The following PARP4 variants were observed in gnomAD, a reference collection of about 807,000 sequenced individuals.
PARP4 encodes poly(ADP-ribose) polymerase family member 4.
Under a neutral mutation model 187.7 loss-of-function variants are expected in PARP4, and 120 were observed. That is an observed-to-expected ratio of 0.64 (90% CI 0.55 to 0.74). The LOEUF is 0.74. Among genes scored for constraint, PARP4 ranks in the 30% least tolerant of loss-of-function variants. The pLI, the probability that PARP4 is intolerant of heterozygous loss-of-function variation, is 0.00. For missense variants in PARP4, 1,836 were observed against 2,070.5 expected, an observed-to-expected ratio of 0.89 and a Z score of 2.20; for synonymous variants, 654 against 740.9, an observed-to-expected ratio of 0.88 and a Z score of 1.90.
intron 31 of PARP4, among the ~76,000 whole-genome samples, chr13:24,433,234 T>C (rs1366696807): frequency 6.6e-6 from 1 of 152,198 alleles, no homozygotes; most frequent in Non-Finnish European, 1.5e-5. Flanking sequence ...ATGTACTTAA[T>C]GCAACGTGTC....
At chr13:24,486,042 G>A in intron 11 of PARP4, 126 bp downstream of exon 11, 1 of 740,414 alleles carries the variant, frequency 1.4e-6, no homozygotes. Flanking sequence ...TCTCCAGAAT[G>A]CAGTAAGCTA....
At chr13:24,509,694 T>C (rs1267048436) in intron 1 of PARP4, among the ~76,000 whole-genome samples, 1 of 151,864 alleles carries the variant, frequency 6.6e-6, no homozygotes, top group East Asian at 1.9e-4. Flanking sequence ...ATAACCCCAC[T>C]GTTGATTTTT....
At chr13:24,472,522 C>T (rs1431973318) in intron 15 of PARP4, among the ~76,000 whole-genome samples, 4 of 152,318 alleles carry the variant, frequency 2.6e-5, no homozygotes, top group East Asian at 1.9e-4. Flanking sequence ...TGTACTTGAA[C>T]GTTCTTAATC....
chr13:24,434,264 T>C lies in PARP4; in HGVS notation c.4746+131A>G, dbSNP rs535739897. 465 of 510,384 alleles carry C rather than the reference T, an allele frequency of 9.1e-4. 1 individual carries two copies. In the East Asian group the frequency reaches 0.013, roughly 14 times the overall value. 31.6% of individuals were successfully genotyped at this position (510,384 alleles called of 1,614,324 possible). A position where few individuals can be genotyped will look rare whatever the true frequency, so the allele number is the denominator to read the frequency against. On this transcript the variant is annotated intron_variant, in intron 31 of 33. Transcript: ENST00000381989. Reference sequence around the variant, plus strand: ...TCAATGAAGGAAGCAGTATGATTTATACCCAGTGTACAACCCCTTCCTTCA... The same window carrying C: ...TCAATGAAGGAAGCAGTATGATTTACACCCAGTGTACAACCCCTTCCTTCA...
At position 24,453,636 on chromosome 13, in the gene PARP4, G is replaced by A. The variant is rs141514642; in HGVS notation, c.2777C>T (p.Ser926Leu). 91 of 1,604,214 alleles carry A rather than the reference G, an allele frequency of 5.7e-5. No individual in the cohort carries two copies. In the African/African-American group the frequency reaches 9.8e-4, roughly 17 times the overall value. ...ATTGCTTGTGATATGCTTAGGATAC[G>A]AAAATAGCTCCTTGTAACCTGTGTA... ...QFGTGYKELF[S>L]YPKHITSNTM... Residue 926 changes from serine (S) to leucine (L), a missense_variant, in exon 23 of 34, where the codon TCG becomes TTG. Transcript: ENST00000381989.
intron 15 of PARP4, among the ~76,000 whole-genome samples, chr13:24,475,065 G>T (rs9511300): frequency 0.2 from 30,263 of 152,048 alleles, 3,758 homozygotes; most frequent in East Asian, 0.38. Flanking sequence ...CTTCAGGTCT[G>T]TATGCAGATG....
At chr13:24,488,314 G>T (rs1222354253) in intron 10 of PARP4, among the ~76,000 whole-genome samples, 3 of 152,118 alleles carry the variant, frequency 2.0e-5, no homozygotes, top group African/African-American at 4.8e-5. Context: ...CAAACCAAAA[G>T]AATTTGATTA....
chr13:24,426,158 T>A (rs1870038787), intron 33 of PARP4, among the ~76,000 whole-genome samples: 1 of 152,168 alleles, frequency 6.6e-6, no homozygotes, highest in Non-Finnish European at 1.5e-5. Context: ...ACATTGTGGG[T>A]CTTCTGGAGG....
chr13:24,423,064 T>C (rs1050824319), intron 33 of PARP4, among the ~76,000 whole-genome samples: 4 of 152,206 alleles, frequency 2.6e-5, no homozygotes, highest in African/African-American at 9.6e-5. Context: ...AAGTTTATAC[T>C]TGTTTTAACA....
At position 24,458,825 on chromosome 13, in the gene PARP4, A is replaced by G. The variant is rs571204710; in HGVS notation, c.2424+219T>C. Reference sequence around the variant, plus strand: ...TCAAGAAAAAGCATTAAAAATTAATATTTAAAAATTGGAGGCAAAATCAAA... The same window carrying G: ...TCAAGAAAAAGCATTAAAAATTAATGTTTAAAAATTGGAGGCAAAATCAAA... On this transcript the variant is annotated intron_variant, in intron 20 of 33. Coordinates refer to ENST00000381989, the MANE Select transcript of PARP4 (RefSeq NM_006437.4). Among the ~76,000 whole-genome samples, 3 of 152,330 alleles carry G rather than the reference A, an allele frequency of 2.0e-5. No individual in the cohort carries two copies. In the East Asian group the frequency reaches 5.8e-4, roughly 29 times the overall value.
chr13:24,504,225 C>T (rs28756787), intron 1 of PARP4, among the ~76,000 whole-genome samples: 2,236 of 150,544 alleles, frequency 0.015, 64 homozygotes, highest in African/African-American at 0.052. Flanking sequence ...AAAAACTGAA[C>T]AGCTGATAAT....
chr13:24,455,675 T>C (rs1301184352), intron 21 of PARP4, among the ~76,000 whole-genome samples: 1 of 143,154 alleles, frequency 7.0e-6, no homozygotes, highest in Non-Finnish European at 1.5e-5. Flanking sequence ...TGGTATGCAG[T>C]GGCACGATCA....
chr13:24,453,719 A>G, intron 22 of PARP4, 65 bp from the exon 23 acceptor site: 2 of 863,494 alleles, frequency 2.3e-6, no homozygotes, highest in Non-Finnish European at 4.0e-6. Context: ...ACTAACAAAC[A>G]ATAATGTTAT....
At chr13:24,504,377 G>A (rs1271361019) in intron 1 of PARP4, among the ~76,000 whole-genome samples, 2 of 136,690 alleles carry the variant, frequency 1.5e-5, no homozygotes, top group Non-Finnish European at 3.1e-5. Flanking sequence ...GCAGTGGTGC[G>A]ATCTCAGCTC....
At chr13:24,473,293 A>G (rs1259653336) in intron 15 of PARP4, among the ~76,000 whole-genome samples, 2 of 152,206 alleles carry the variant, frequency 1.3e-5, no homozygotes, top group Non-Finnish European at 2.9e-5. Context: ...GGAGAACAGT[A>G]GAATTCATCT....
intron 6 of PARP4, 54 bp downstream of exon 6, chr13:24,498,062 T>A (rs1965154): frequency 0.11 from 133,921 of 1,237,808 alleles, 7,925 homozygotes; most frequent in Middle Eastern, 0.13. Context: ...TTCATTGAAA[T>A]GAGTTATGAA....
At chr13:24,503,907 T>C in intron 1 of PARP4, 130 bp from the exon 2 acceptor site, 2 of 738,656 alleles carry the variant, frequency 2.7e-6, no homozygotes, top group East Asian at 2.6e-5. Context: ...ATGTTATCAA[T>C]AGAACATTGC....
At chr13:24,456,518 G>T (rs187322626) in intron 20 of PARP4, 40 bp from the exon 21 acceptor site, 149 of 1,570,056 alleles carry the variant, frequency 9.5e-5, no homozygotes, top group Non-Finnish European at 9.6e-6. Context: ...GAGTAATGGA[G>T]TAACACCATA....
intron 30 of PARP4, among the ~76,000 whole-genome samples, chr13:24,436,720 TAA>T (rs1351912014): frequency 1.3e-5 from 2 of 152,194 alleles, no homozygotes; most frequent in Admixed American, 6.5e-5. Context: ...AATCTAAATG[TAA>T]AGAGTGTTCC....
Sources: allele counts gnomAD v4.1 joint callset (sites outside exome capture counted in the v4.1 genomes callset), GRCh38; gene constraint gnomAD v4.1.1; transcripts MANE v1.5; gene names NCBI Gene and HGNC (gene_info 2026-07-23, HGNC 2026-07-21).